Variants in KCNIP4 observed in about 807,000 individuals in gnomAD.
KCNIP4 encodes the protein Kv channel-interacting protein 4.
Under a neutral mutation model 34.0 loss-of-function variants are expected in KCNIP4, and 12 were observed. That is an observed-to-expected ratio of 0.35 (90% confidence interval 0.23 to 0.57). The LOEUF (loss-of-function observed/expected upper bound fraction) is 0.57. Ranked by LOEUF, KCNIP4 falls within the 20% of genes least tolerant of loss-of-function variation. The pLI is 0.83. For missense variants in KCNIP4, 238 were observed against 311.7 expected (o/e 0.76, Z 1.78); for synonymous variants, 124 against 102.2 (o/e 1.21, Z -1.29).
intron 1 of KCNIP4, chr4:21,851,199 T>C (rs1307087078): frequency 3.3e-5 from 5 of 151,720 alleles, no homozygotes; most frequent in Non-Finnish European, 7.4e-5. Context: ...AGGAGAGGGG[T>C]TAAGCTAGGG....
At position 20,850,544 on chromosome 4, in the gene KCNIP4, T is replaced by C; in HGVS notation, c.287A>G (p.Asn96Ser). The C allele has an allele frequency of 6.2e-7, 1 of 1,612,356 alleles. No individual in the cohort carries two copies. Among genetic ancestry groups the C allele is most frequent in the South Asian group, 1.1e-5 (1 of 91,002 alleles). ...ELQILYRGFKNECPSGVVNEE... is the reference protein window; with the variant it reads ...ELQILYRGFKSECPSGVVNEE... ...TAAAGTCAAAAAGAAAGTTCTTACATTCTTAAATCCTCTGTAAAGGATCTG... is the reference window on the plus strand; with the variant it reads ...TAAAGTCAAAAAGAAAGTTCTTACACTCTTAAATCCTCTGTAAAGGATCTG... The change falls in exon 3 of 9, where the codon AAT becomes AGT. Residue 96 changes from asparagine (N) to serine (S), a missense_variant and splice_region_variant. Coordinates refer to ENST00000382152, the MANE Select transcript of KCNIP4 (RefSeq NM_025221.6).
intron 1 of KCNIP4, among the ~76,000 whole-genome samples, chr4:21,443,524 A>G (rs1577367992): frequency 6.6e-6 from 1 of 152,228 alleles, no homozygotes; most frequent in Admixed American, 6.5e-5. Context: ...TGGGTCGACT[A>G]TACCCAATCA....
At chr4:21,911,808 T>A (rs752844187) in intron 1 of KCNIP4, among the ~76,000 whole-genome samples, 2 of 152,092 alleles carry the variant, frequency 1.3e-5, no homozygotes, top group Non-Finnish European at 2.9e-5. Flanking sequence ...CCAGTCTTCA[T>A]CAGTACAGAC....
At chr4:21,405,983 GCAC>G (rs1475514419) in intron 1 of KCNIP4, among the ~76,000 whole-genome samples, 1 of 152,102 alleles carries the variant, frequency 6.6e-6, no homozygotes, top group Non-Finnish European at 1.5e-5. Context: ...TTACAGGCAT[GCAC>G]CACCAAGCCC....
At chr4:21,802,489 A>C (rs1396486972) in intron 1 of KCNIP4, among the ~76,000 whole-genome samples, 1 of 152,168 alleles carries the variant, frequency 6.6e-6, no homozygotes, top group Non-Finnish European at 1.5e-5. Flanking sequence ...TTTTATTTCC[A>C]TATTGCAGAT....
intron 1 of KCNIP4, among the ~76,000 whole-genome samples, chr4:21,733,192 C>A (rs76160392): frequency 0.11 from 16,284 of 152,140 alleles, 988 homozygotes; most frequent in Middle Eastern, 0.14. Context: ...TACTCCAGTA[C>A]CCTGTTGTAA....
At chr4:20,783,867 A>C (rs1711563619) in intron 3 of KCNIP4, among the ~76,000 whole-genome samples, 1 of 152,184 alleles carries the variant, frequency 6.6e-6, no homozygotes, top group Non-Finnish European at 1.5e-5. Context: ...GGGAAACCAT[A>C]AAGGATCCAT....
intron 1 of KCNIP4, among the ~76,000 whole-genome samples, chr4:21,732,754 A>C (rs28560247): frequency 0.12 from 18,149 of 152,154 alleles, 3,701 homozygotes; most frequent in African/African-American, 0.41. Context: ...GGAGAATACC[A>C]GTGCTGAAAA....
chr4:21,812,385 TATAGGG>T (rs1234609769), intron 1 of KCNIP4, among the ~76,000 whole-genome samples: 2 of 152,118 alleles, frequency 1.3e-5, no homozygotes, highest in Non-Finnish European at 2.9e-5. Flanking sequence ...CTCTACATAT[TATAGGG>T]AATGCCAGCA....
intron 5 of KCNIP4, among the ~76,000 whole-genome samples, chr4:20,735,934 A>G (rs755037200): frequency 1.1e-4 from 17 of 152,244 alleles, no homozygotes; most frequent in Admixed American, 3.3e-4. Context: ...GGGGAAATCC[A>G]AAAGTCTTCT....
intron 1 of KCNIP4, among the ~76,000 whole-genome samples, chr4:21,324,772 C>T (rs36119117): frequency 0.45 from 68,497 of 150,874 alleles, 15,816 homozygotes; most frequent in Middle Eastern, 0.56. Flanking sequence ...AATTTTAGGA[C>T]AGTTTTTTCT....
rs1476009811 is a variant in KCNIP4, at chr4:21,694,084, A to AT, written c.61+254486dup. Among the ~76,000 whole-genome samples, 4 of 152,222 alleles carry AT rather than the reference A, an allele frequency of 2.6e-5. No homozygotes were observed. In the East Asian group the frequency reaches 7.7e-4, roughly 29 times the overall value. ...GTACCCTAAAACATGACAATATTAA[A>AT]TTTCACACATAAAGAAGAAACAGTT... On this transcript the variant is annotated intron_variant, in intron 1 of 8. Transcript: ENST00000382152.
chr4:20,780,971 T>C (rs190057012), intron 3 of KCNIP4, among the ~76,000 whole-genome samples: 2 of 152,330 alleles, frequency 1.3e-5, no homozygotes, highest in East Asian at 3.9e-4. Flanking sequence ...AAGGAATCAA[T>C]GTAGCCTCGT....
chr4:21,471,382 C>T (rs1730456782), intron 1 of KCNIP4, among the ~76,000 whole-genome samples: 1 of 152,112 alleles, frequency 6.6e-6, no homozygotes, highest in African/African-American at 2.4e-5. Flanking sequence ...TGACTTCCTA[C>T]TTCTGGGTGG....
At chr4:21,786,428 A>C (rs1048506975) in intron 1 of KCNIP4, among the ~76,000 whole-genome samples, 14 of 152,158 alleles carry the variant, frequency 9.2e-5, no homozygotes, top group Non-Finnish European at 8.8e-5. Context: ...TAATCTGATC[A>C]GTCATTTTAT....
chr4:21,414,838 G>A (rs1326427650), intron 1 of KCNIP4, among the ~76,000 whole-genome samples: 1 of 151,982 alleles, frequency 6.6e-6, no homozygotes, highest in Non-Finnish European at 1.5e-5. Context: ...GGCACATGGT[G>A]TATATATTTA....
chr4:20,783,570 A>G (rs548105761), intron 3 of KCNIP4, among the ~76,000 whole-genome samples: 2 of 152,288 alleles, frequency 1.3e-5, no homozygotes, highest in East Asian at 3.9e-4. Flanking sequence ...CATGAGAACT[A>G]TATGGGGAAC....
At chr4:21,082,371 G>T (rs1577659957) in intron 1 of KCNIP4, among the ~76,000 whole-genome samples, 2 of 151,698 alleles carry the variant, frequency 1.3e-5, no homozygotes, top group South Asian at 2.1e-4. Context: ...ACACCCCAGA[G>T]AATTTCTGTA....
chr4:21,538,492 G>C (rs991907269), intron 1 of KCNIP4, among the ~76,000 whole-genome samples: 4 of 152,156 alleles, frequency 2.6e-5, no homozygotes, highest in Admixed American at 6.5e-5. Context: ...TTTAACTCCA[G>C]TGTGTTGCTT....
Sources: allele counts gnomAD v4.1 joint callset (sites outside exome capture counted in the v4.1 genomes callset), GRCh38; gene constraint gnomAD v4.1.1; transcripts MANE v1.5; gene names NCBI Gene and HGNC (gene_info 2026-07-23, HGNC 2026-07-21).